The following SH3GL3 variants were observed in gnomAD, a reference collection of about 807,000 sequenced individuals.
SH3GL3 encodes the protein SH3 domain containing GRB2 like 3, endophilin A3.
SH3GL3 carries 33 observed loss-of-function variants against 47.7 expected under a neutral mutation model. The observed-to-expected ratio is 0.69, with a 90% CI of 0.52 to 0.92. The LOEUF is 0.92. Among genes scored for constraint, SH3GL3 ranks in the 40% least tolerant of loss-of-function variants. The probability of loss-of-function intolerance (pLI) is 0.00; values close to 1 mark genes in which losing one functional copy is unlikely to be tolerated. For missense variants in SH3GL3, 363 were observed against 417.8 expected (o/e 0.87, Z 1.14); for synonymous variants, 155 against 148.8 (o/e 1.04, Z -0.30).
chr15:83,474,548 A>G (rs1304086399), intron 1 of SH3GL3, among the ~76,000 whole-genome samples: 1 of 151,880 alleles, frequency 6.6e-6, no homozygotes, highest in Non-Finnish European at 1.5e-5. Flanking sequence ...GTAAGCGTAT[A>G]TTGCTTGGAT....
At chr15:83,482,114 G>A (rs2041383958) in intron 1 of SH3GL3, among the ~76,000 whole-genome samples, 1 of 152,192 alleles carries the variant, frequency 6.6e-6, no homozygotes, top group Middle Eastern at 3.4e-3. Context: ...TAAAAAATTT[G>A]TATATATTGA....
chr15:83,560,131 G>A (rs4843143), intron 2 of SH3GL3, among the ~76,000 whole-genome samples: 16,683 of 152,164 alleles, frequency 0.11, 1,092 homozygotes, highest in Middle Eastern at 0.18. Flanking sequence ...CCACCCCAGA[G>A]GAGAGAGGGA....
chr15:83,486,484 A>C (rs540498503), intron 1 of SH3GL3, among the ~76,000 whole-genome samples: 2 of 152,202 alleles, frequency 1.3e-5, no homozygotes, highest in Non-Finnish European at 2.9e-5. Flanking sequence ...ATATGAATGG[A>C]ATTGTACAAT....
chr15:83,578,004 TTTTCAGCTG>T (rs2059730781), intron 6 of SH3GL3, among the ~76,000 whole-genome samples: 1 of 152,154 alleles, frequency 6.6e-6, no homozygotes, highest in East Asian at 1.9e-4. Context: ...TGACCCAAAT[TTTTCAGCTG>T]TTCCATAGTG....
At chr15:83,615,108 A>C (rs1280004042) in intron 8 of SH3GL3, among the ~76,000 whole-genome samples, 1 of 107,292 alleles carries the variant, frequency 9.3e-6, no homozygotes, top group Non-Finnish European at 1.8e-5. Flanking sequence ...ACTTATTAAG[A>C]AAAAAAAAAA....
chr15:83,600,970 C>A (rs972629049), intron 8 of SH3GL3, among the ~76,000 whole-genome samples: 1 of 152,034 alleles, frequency 6.6e-6, no homozygotes, highest in African/African-American at 2.4e-5. Context: ...GGGTTGAGTT[C>A]TTGATTTGAT....
chr15:83,540,842 CT>C (rs2044119677), intron 1 of SH3GL3, among the ~76,000 whole-genome samples: 1 of 152,158 alleles, frequency 6.6e-6, no homozygotes, highest in African/African-American at 2.4e-5. Context: ...TTATTGCTGA[CT>C]GTAGCCACTC....
intron 1 of SH3GL3, among the ~76,000 whole-genome samples, chr15:83,555,310 A>C (rs1457273978): frequency 2.6e-5 from 4 of 152,300 alleles, no homozygotes; most frequent in Admixed American, 6.5e-5. Context: ...TCCTAAACAC[A>C]CATTAAAAAG....
At chr15:83,505,086 T>C (rs898091040) in intron 1 of SH3GL3, among the ~76,000 whole-genome samples, 2 of 152,208 alleles carry the variant, frequency 1.3e-5, no homozygotes, top group African/African-American at 4.8e-5. Flanking sequence ...TAGAGATTCA[T>C]TGTATGAATA....
rs575215788 is a variant in SH3GL3 at position 83,448,151 on chromosome 15, T to A, written c.45+573T>A. Among the ~76,000 whole-genome samples the A allele has an allele frequency of 2.6e-5, 4 of 152,216 alleles. No individual in the cohort carries two copies. The South Asian group carries it at 8.3e-4, about 32-fold the overall frequency. ...ACCGCGGTCCTTCCCCTCCCCACCG[T>A]CTTCCCGGTGTCGGCCCGGGGCTGG... is the stretch of plus-strand genomic sequence containing the variant. On this transcript the variant is annotated intron_variant, in intron 1 of 8. Coordinates refer to ENST00000427482, the MANE Select transcript of SH3GL3 (RefSeq NM_003027.5). This position sits in a 1 kb window ranked among gnomAD's most constrained non-coding sequence, Gnocchi z 4.2.
At chr15:83,607,335 T>G (rs2060544916) in intron 8 of SH3GL3, among the ~76,000 whole-genome samples, 1 of 152,236 alleles carries the variant, frequency 6.6e-6, no homozygotes, top group Non-Finnish European at 1.5e-5. Context: ...ACAGTGATGT[T>G]GCACCATCCA....
At chr15:83,552,897 A>C (rs2044737438) in intron 1 of SH3GL3, among the ~76,000 whole-genome samples, 1 of 152,180 alleles carries the variant, frequency 6.6e-6, no homozygotes, top group South Asian at 2.1e-4. Context: ...CAATATCATT[A>C]TTATAAAAAT....
At position 83,448,644 on chromosome 15, in the gene SH3GL3, A is replaced by G. The variant is rs1319890616; in HGVS notation, c.45+1066A>G. Reference sequence around the variant, plus strand: ...CCCCATTTTGCTAGAGCCAGGGTAGACAGATTTCATTCAACGTCCACATTT... The same window carrying G: ...CCCCATTTTGCTAGAGCCAGGGTAGGCAGATTTCATTCAACGTCCACATTT... On this transcript the variant is annotated intron_variant, in intron 1 of 8. Coordinates refer to ENST00000427482, the MANE Select transcript of SH3GL3 (RefSeq NM_003027.5). This position sits in a 1 kb window ranked among gnomAD's most constrained non-coding sequence, Gnocchi z 4.2. 6.6e-6 allele frequency among the ~76,000 whole-genome samples: 1 copy of G among 152,058 alleles called. No homozygotes were observed. The highest frequency in any genetic ancestry group is 1.9e-4 in the East Asian group (1 of 5,188).
rs1479707115 is a variant in SH3GL3, at chr15:83,576,595, A to G, written c.478A>G (p.Lys160Glu). Residue 160 changes from lysine (K) to glutamate (E), a missense_variant, in exon 6 of 9, where the codon AAG (lysine) becomes GAG (glutamate). Physicochemically the swap from Lys to Glu is moderately conservative, Grantham distance 56 (BLOSUM62 1). Coordinates refer to ENST00000427482, the MANE Select transcript of SH3GL3 (RefSeq NM_003027.5). ...DLKEIGHHLK[K>E]LEGRRLDYDY... ...TCTCTTTTTTTAGCATCACCTGAAAAAGCTGGAAGGCCGCCGCCTGGATTA... is the reference window on the plus strand; with the variant it reads ...TCTCTTTTTTTAGCATCACCTGAAAGAGCTGGAAGGCCGCCGCCTGGATTA... 4 of 1,604,086 alleles carry G rather than the reference A, an allele frequency of 2.5e-6. No individual in the cohort carries two copies. The highest frequency in any genetic ancestry group is 3.4e-6 in the Non-Finnish European group (4 of 1,176,922).
chr15:83,551,195 C>A (rs1330015054), intron 1 of SH3GL3, among the ~76,000 whole-genome samples: 1 of 152,158 alleles, frequency 6.6e-6, no homozygotes, highest in East Asian at 1.9e-4. Context: ...CTGTTATTGA[C>A]AAAATTAAAG....
In SH3GL3 at chr15:83,447,596, A is replaced by C; in HGVS notation, c.45+18A>C. 1 of 1,487,172 alleles carries C rather than the reference A, an allele frequency of 6.7e-7. No individual in the cohort carries two copies. The highest frequency in any genetic ancestry group is 1.5e-5 in the African/African-American group (1 of 68,736). The allele number at this position is 1,487,172 out of a possible 1,614,324, so 92.1% of individuals were successfully genotyped here. A position where few individuals can be genotyped will look rare whatever the true frequency, so the allele number is the denominator to read the frequency against. ...CCAGCCAGGTAGGGAGGCGCAGAGG[A>C]GGGAAGGAGGGAGGGGGACGCGGAG... On this transcript the variant is annotated intron_variant, in intron 1 of 8. Transcript: ENST00000427482. This position sits in a 1 kb window ranked among gnomAD's most constrained non-coding sequence, Gnocchi z 5.1.
intron 1 of SH3GL3, among the ~76,000 whole-genome samples, chr15:83,512,670 C>G (rs530105738): frequency 6.6e-6 from 1 of 152,248 alleles, no homozygotes; most frequent in African/African-American, 2.4e-5. Context: ...CCTCCTCCTT[C>G]TCTCTTCCTT....
At position 83,589,203 on chromosome 15, in the gene SH3GL3, CAG is replaced by C. The variant is rs532481140; in HGVS notation, c.838+434_838+435del. On this transcript the variant is annotated intron_variant, in intron 8 of 8. Transcript: ENST00000427482. The stretch of plus-strand genomic sequence containing the variant: ...GAAAAAAATTGGTAAAATAATCAAA[CAG>C]AAAAAAAAATTTAATGGTATAAGTC... Among the ~76,000 whole-genome samples the C allele has an allele frequency of 7.0e-4, 106 of 151,776 alleles. 1 individual carries two copies. Among genetic ancestry groups the C allele is most frequent in the Middle Eastern group, 3.4e-3 (1 of 294 alleles).
intron 1 of SH3GL3, among the ~76,000 whole-genome samples, chr15:83,515,057 C>T (rs1480715278): frequency 2.0e-5 from 3 of 152,058 alleles, no homozygotes; most frequent in Admixed American, 6.5e-5. Context: ...AGGAACCAAC[C>T]CTGCCAGCCC....
Sources: allele counts gnomAD v4.1 joint callset (sites outside exome capture counted in the v4.1 genomes callset), GRCh38; gene constraint gnomAD v4.1.1; non-coding constraint Gnocchi (gnomAD v3.1); transcripts MANE v1.5; gene names NCBI Gene and HGNC (gene_info 2026-07-23, HGNC 2026-07-21).